JMJD1C: variants seen among roughly 807,000 people sequenced by gnomAD.
JMJD1C encodes the protein jumonji domain-containing protein 1C.
In JMJD1C, 31 loss-of-function variants were observed where a neutral mutation model predicts 245.3. The observed-to-expected ratio is 0.13, with a 90% CI of 0.09 to 0.17. The LOEUF (loss-of-function observed/expected upper bound fraction) is 0.17. Among genes scored for constraint, JMJD1C ranks in the 10% least tolerant of loss-of-function variants. The pLI, the probability that JMJD1C is intolerant of heterozygous loss-of-function variation, is 1.00. For missense variants in JMJD1C, 2,691 were observed against 3,000.2 expected (o/e 0.90, Z 2.41); for synonymous variants, 1,057 against 1,017.4 (o/e 1.04, Z -0.74).
intron 1 of JMJD1C, among the ~76,000 whole-genome samples, chr10:63,512,255 G>C (rs1954892918): frequency 6.6e-6 from 1 of 151,466 alleles, no homozygotes; most frequent in Admixed American, 6.6e-5. Context: ...TAAGATTCAA[G>C]CTTCTGACCT....
At chr10:63,209,374 A>G in intron 8 of JMJD1C, 139 bp from the exon 9 acceptor site, 1 of 532,084 alleles carries the variant, frequency 1.9e-6, no homozygotes, top group Non-Finnish European at 3.0e-6. Flanking sequence ...GAAACTTGTA[A>G]CTTTTTCTAA....
chr10:63,332,178 A>C (rs1452854082), intron 2 of JMJD1C, among the ~76,000 whole-genome samples: 1 of 152,214 alleles, frequency 6.6e-6, no homozygotes, highest in African/African-American at 2.4e-5. Flanking sequence ...GTTAGGCATG[A>C]CATCAGACTT....
intron 2 of JMJD1C, among the ~76,000 whole-genome samples, chr10:63,296,904 G>A (rs1026961567): frequency 9.9e-5 from 15 of 152,074 alleles, no homozygotes; most frequent in South Asian, 2.1e-4. Context: ...TATTTTACTC[G>A]TAAGTTCCCA....
intron 2 of JMJD1C, among the ~76,000 whole-genome samples, chr10:63,328,199 C>T (rs984918382): frequency 1.3e-5 from 2 of 151,788 alleles, no homozygotes; most frequent in Non-Finnish European, 2.9e-5. Flanking sequence ...CATTTGAACC[C>T]CGAAGTTGGA....
intron 10 of JMJD1C, chr10:63,203,866 T>G: frequency 2.0e-6 from 2 of 982,546 alleles, no homozygotes; most frequent in Non-Finnish European, 2.4e-6. Context: ...TCATTCTTTT[T>G]GATTGACCAT....
chr10:63,461,537 C>A (rs775817207), intron 1 of JMJD1C, among the ~76,000 whole-genome samples: 11 of 152,066 alleles, frequency 7.2e-5, no homozygotes, highest in Non-Finnish European at 1.3e-4. Context: ...TTTAAATTTC[C>A]TAAACATGAA....
chr10:63,196,436 A>G (rs1182427038), intron 13 of JMJD1C, among the ~76,000 whole-genome samples: 1 of 152,190 alleles, frequency 6.6e-6, no homozygotes, highest in African/African-American at 2.4e-5. Flanking sequence ...TCATATTAAC[A>G]TATTTATTGC....
intron 4 of JMJD1C, among the ~76,000 whole-genome samples, chr10:63,218,619 G>C (rs944945372): frequency 6.6e-6 from 1 of 152,026 alleles, no homozygotes; most frequent in Non-Finnish European, 1.5e-5. Flanking sequence ...ACATAGCTTA[G>C]AGTCAGCCTC....
At position 63,209,075 on chromosome 10, in the gene JMJD1C, T is replaced by TCTA; in HGVS notation, c.2852_2854dup (p.Val951dup). 5 of 1,612,386 alleles carry TCTA rather than the reference T, an allele frequency of 3.1e-6. No individual in the cohort carries two copies. Among genetic ancestry groups the TCTA allele is most frequent in the Non-Finnish European group, 4.2e-6 (5 of 1,179,210 alleles). On this transcript the variant is annotated inframe_insertion, in exon 9 of 26. Coordinates refer to ENST00000399262, the MANE Select transcript of JMJD1C (RefSeq NM_032776.3). ...CTGGTGAACTTACTCCTTATGATGA[T>TCTA]CTACTAAAGTTTTTGTCAATGGTGG...
intron 2 of JMJD1C, among the ~76,000 whole-genome samples, chr10:63,370,630 CAGACTT>C (rs1382630967): frequency 2.0e-5 from 3 of 152,304 alleles, no homozygotes; most frequent in African/African-American, 7.2e-5. Flanking sequence ...GAAATTCAGA[CAGACTT>C]AAAACAAGCC....
At chr10:63,312,094 CTT>C (rs35328965) in intron 2 of JMJD1C, among the ~76,000 whole-genome samples, 10 of 64,030 alleles carry the variant, frequency 1.6e-4, no homozygotes, top group Admixed American at 1.8e-4. Flanking sequence ...AGTAGCTAAA[CTT>C]TTTTTTTTTT....
In JMJD1C at chr10:63,193,050, G is replaced by T. The variant is rs1554831457; in HGVS notation, c.5964C>A (p.Ser1988Arg). 1 of 1,613,994 alleles carries T rather than the reference G, an allele frequency of 6.2e-7. No homozygotes were observed. Among genetic ancestry groups the T allele is most frequent in the African/African-American group, 1.3e-5 (1 of 74,912 alleles). Residue 1988 changes from serine to arginine, a missense_variant, in exon 16 of 26, where the codon AGC (serine) becomes AGA (arginine). Around this residue, in one of 9 missense-constraint regions of JMJD1C, gnomAD observed 275 missense variants for 285.5 expected, o/e 0.96. Transcript: ENST00000399262. ...TPPKSEKNGG[S>R]SPESDVGTDN... ...CTGTGCCTACATCACTCTCTGGGCT[G>T]CTGCCACCATTTTTCTCAGACTTCG...
chr10:63,398,287 ATTAT>A (rs1948631307), intron 1 of JMJD1C, among the ~76,000 whole-genome samples: 1 of 151,906 alleles, frequency 6.6e-6, no homozygotes, highest in African/African-American at 2.4e-5. Flanking sequence ...TCTTAAATCT[ATTAT>A]TTATAGGTTC....
chr10:63,174,253 TTATC>T (rs968847018), intron 24 of JMJD1C, among the ~76,000 whole-genome samples: 1 of 152,222 alleles, frequency 6.6e-6, no homozygotes, highest in Non-Finnish European at 1.5e-5. Context: ...TATGATAGCT[TTATC>T]TATTATTGCC....
intron 1 of JMJD1C, among the ~76,000 whole-genome samples, chr10:63,449,797 T>G (rs1291461155): frequency 1.3e-5 from 2 of 152,090 alleles, no homozygotes; most frequent in Non-Finnish European, 2.9e-5. Context: ...CTTCCTAAAT[T>G]AGTCTATAAA....
At chr10:63,212,810 C>G (rs1847519740) in intron 8 of JMJD1C, among the ~76,000 whole-genome samples, 1 of 151,098 alleles carries the variant, frequency 6.6e-6, no homozygotes, top group African/African-American at 2.4e-5. Flanking sequence ...TTTGGCTGAG[C>G]AAAATAATTA....
At chr10:63,381,687 C>T (rs189029803) in intron 1 of JMJD1C, among the ~76,000 whole-genome samples, 2 of 152,138 alleles carry the variant, frequency 1.3e-5, no homozygotes, top group African/African-American at 2.4e-5. Flanking sequence ...TTAGAAAGGA[C>T]ATTAACAAAT....
At chr10:63,488,011 T>C (rs1645307560) in intron 1 of JMJD1C, among the ~76,000 whole-genome samples, 1 of 152,128 alleles carries the variant, frequency 6.6e-6, no homozygotes, top group African/African-American at 2.4e-5. Flanking sequence ...TATATGGTCA[T>C]ACGATGTGGA....
chr10:63,222,047 A>G, intron 3 of JMJD1C: 1 of 434,962 alleles, frequency 2.3e-6, no homozygotes, highest in Non-Finnish European at 4.3e-6. Context: ...TACAAGGAAA[A>G]CCATTACTAT....
Sources: allele counts gnomAD v4.1 joint callset (sites outside exome capture counted in the v4.1 genomes callset), GRCh38; gene constraint gnomAD v4.1.1; regional missense constraint gnomAD v4.1.1; transcripts MANE v1.5; gene names NCBI Gene and HGNC (gene_info 2026-07-23, HGNC 2026-07-21).